Variants in TRABD2B observed in about 807,000 individuals in gnomAD.
TRABD2B encodes the protein metalloprotease TIKI2.
TRABD2B carries 14 observed loss-of-function variants against 40.1 expected under a neutral mutation model. That is an observed-to-expected ratio of 0.35 (90% CI 0.23 to 0.55). The LOEUF (loss-of-function observed/expected upper bound fraction) is 0.55. Among genes scored for constraint, TRABD2B ranks in the 20% least tolerant of loss-of-function variants. The pLI, the probability that TRABD2B is intolerant of heterozygous loss-of-function variation, is 0.90. For synonymous variants in TRABD2B, 263 were observed against 277.0 expected (o/e 0.95, Z 0.50); for missense variants, 541 against 648.6 (o/e 0.83, Z 1.80).
At chr1:47,993,418 C>T (rs893548340) in intron 2 of TRABD2B, among the ~76,000 whole-genome samples, 12 of 152,196 alleles carry the variant, frequency 7.9e-5, no homozygotes, top group African/African-American at 2.7e-4. Flanking sequence ...TAAGCGAACA[C>T]GCTTCTCTGA....
intron 2 of TRABD2B, among the ~76,000 whole-genome samples, chr1:47,954,640 T>C (rs1406594936): frequency 6.6e-6 from 1 of 152,196 alleles, no homozygotes; most frequent in Non-Finnish European, 1.5e-5. Context: ...TTGAGCTATG[T>C]GCATGTCACT....
At chr1:47,963,927 G>C (rs538054812) in intron 2 of TRABD2B, among the ~76,000 whole-genome samples, 9 of 152,332 alleles carry the variant, frequency 5.9e-5, no homozygotes, top group African/African-American at 1.7e-4. Context: ...AAGTGAACTT[G>C]GGCCAGGCCC....
chr1:47,824,900 T>C (rs1331719167), intron 2 of TRABD2B, among the ~76,000 whole-genome samples: 1 of 152,122 alleles, frequency 6.6e-6, no homozygotes, highest in African/African-American at 2.4e-5. Context: ...CTCCAACATA[T>C]GCATATTCAC....
At chr1:47,852,515 T>C (rs1271961147) in intron 2 of TRABD2B, among the ~76,000 whole-genome samples, 1 of 152,190 alleles carries the variant, frequency 6.6e-6, no homozygotes, top group African/African-American at 2.4e-5. Context: ...AATCTGAGCC[T>C]TCCCTGCAGC....
In TRABD2B at chr1:47,996,287, G is replaced by C. The variant is rs1419472894; in HGVS notation, c.102+401C>G. ...AGAGTGTGTGAATGGGAGAGCAAAAGGGTTCGATGGAAGTCAAGAGAAGGG... is the reference window on the plus strand; with the variant it reads ...AGAGTGTGTGAATGGGAGAGCAAAACGGTTCGATGGAAGTCAAGAGAAGGG... On this transcript the variant is annotated intron_variant, in intron 1 of 6. Coordinates refer to ENST00000606738, the MANE Select transcript of TRABD2B (RefSeq NM_001194986.2). The surrounding 1 kb of genome is among the most constrained non-coding windows in gnomAD (Gnocchi z 4.6). Among the ~76,000 whole-genome samples the C allele has an allele frequency of 6.6e-6, 1 of 152,108 alleles. No individual in the cohort carries two copies. The highest frequency in any genetic ancestry group is 1.5e-5 in the Non-Finnish European group (1 of 68,012).
chr1:47,955,282 T>C (rs1456822474), intron 2 of TRABD2B, among the ~76,000 whole-genome samples: 1 of 152,206 alleles, frequency 6.6e-6, no homozygotes, highest in Non-Finnish European at 1.5e-5. Context: ...CCGCTGTTTC[T>C]AGTCACCTCC....
At chr1:47,919,427 G>C (rs1023615042) in intron 2 of TRABD2B, among the ~76,000 whole-genome samples, 1 of 152,220 alleles carries the variant, frequency 6.6e-6, no homozygotes, top group South Asian at 2.1e-4. Flanking sequence ...GCCTGGAGCT[G>C]TAGTACTATC....
At chr1:47,987,722 A>G (rs111372695) in intron 2 of TRABD2B, among the ~76,000 whole-genome samples, 1 of 152,310 alleles carries the variant, frequency 6.6e-6, no homozygotes, top group Non-Finnish European at 1.5e-5. Context: ...AAATAATCTG[A>G]GTGAGCACAT....
chr1:47,927,321 G>C (rs547260717), intron 2 of TRABD2B, among the ~76,000 whole-genome samples: 2 of 152,316 alleles, frequency 1.3e-5, no homozygotes, highest in Admixed American at 1.3e-4. Context: ...GGTAAATACA[G>C]AGCCTATAAA....
chr1:47,834,575 ACGCG>A (rs371863668), intron 2 of TRABD2B, among the ~76,000 whole-genome samples: 6 of 148,918 alleles, frequency 4.0e-5, no homozygotes, highest in African/African-American at 1.3e-4. Context: ...ACACACACAC[ACGCG>A]CACACACACA....
chr1:47,796,711 G>A (rs2124240885), intron 3 of TRABD2B, among the ~76,000 whole-genome samples: 1 of 152,340 alleles, frequency 6.6e-6, no homozygotes, highest in East Asian at 1.9e-4. Flanking sequence ...CTTGTGCAGT[G>A]CGCAACCTGG....
At chr1:47,987,058 CATT>C (rs1645929365) in intron 2 of TRABD2B, among the ~76,000 whole-genome samples, 1 of 152,214 alleles carries the variant, frequency 6.6e-6, no homozygotes, top group Non-Finnish European at 1.5e-5. Context: ...AGGAAAGCTG[CATT>C]ACCAGGCGAC....
chr1:47,979,323 T>C (rs1645807094), intron 2 of TRABD2B, among the ~76,000 whole-genome samples: 1 of 152,210 alleles, frequency 6.6e-6, no homozygotes. Context: ...CCAGATTCAT[T>C]CTACGAGGTT....
chr1:47,886,739 G>A (rs1644375972), intron 2 of TRABD2B, among the ~76,000 whole-genome samples: 1 of 152,152 alleles, frequency 6.6e-6, no homozygotes, highest in South Asian at 2.1e-4. Context: ...TAGGGGCTAG[G>A]GACAAACAGT....
intron 2 of TRABD2B, among the ~76,000 whole-genome samples, chr1:47,805,363 G>A (rs1391825137): frequency 6.6e-6 from 1 of 151,986 alleles, no homozygotes; most frequent in Non-Finnish European, 1.5e-5. Context: ...TAAAACAGAG[G>A]CCAGACCATT....
chr1:47,807,129 AG>A (rs1444904034), intron 2 of TRABD2B, among the ~76,000 whole-genome samples: 1 of 152,226 alleles, frequency 6.6e-6, no homozygotes, highest in Non-Finnish European at 1.5e-5. Context: ...ACTAATATGC[AG>A]CATGTTGGAC....
At chr1:47,878,043 G>A (rs566553034) in intron 2 of TRABD2B, among the ~76,000 whole-genome samples, 3 of 151,708 alleles carry the variant, frequency 2.0e-5, no homozygotes, top group East Asian at 1.9e-4. Context: ...GGTCGGGCAC[G>A]GTGGCTTACG....
chr1:47,826,999 C>T (rs1401075095), intron 2 of TRABD2B, among the ~76,000 whole-genome samples: 1 of 152,162 alleles, frequency 6.6e-6, no homozygotes, highest in Non-Finnish European at 1.5e-5. Flanking sequence ...ATGGGGAAAC[C>T]TTTGGGGCCT....
intron 2 of TRABD2B, among the ~76,000 whole-genome samples, chr1:47,882,502 A>G (rs142719462): frequency 6.6e-6 from 1 of 152,276 alleles, no homozygotes; most frequent in African/African-American, 2.4e-5. Context: ...AGGGTGAAGG[A>G]GAAACTTATA....
Sources: allele counts gnomAD v4.1 joint callset (sites outside exome capture counted in the v4.1 genomes callset), GRCh38; gene constraint gnomAD v4.1.1; non-coding constraint Gnocchi (gnomAD v3.1); transcripts MANE v1.5; gene names NCBI Gene and HGNC (gene_info 2026-07-23, HGNC 2026-07-21).